Variants in DOCK2 observed in about 807,000 individuals in gnomAD.
DOCK2 encodes the protein dedicator of cytokinesis protein 2.
In DOCK2, 87 loss-of-function variants were observed where a neutral mutation model predicts 248.9. The observed-to-expected ratio is 0.35, with a 90% confidence interval of 0.29 to 0.42. The LOEUF (loss-of-function observed/expected upper bound fraction) is 0.42. Among genes scored for constraint, DOCK2 ranks in the 10% least tolerant of loss-of-function variants. The probability of loss-of-function intolerance (pLI) is 1.00; values close to 1 mark genes in which losing one functional copy is unlikely to be tolerated. For missense variants in DOCK2, 1,747 were observed against 2,300.2 expected (o/e 0.76, Z 4.92); for synonymous variants, 805 against 821.6 (o/e 0.98, Z 0.35).
chr5:169,812,824 T>C (rs1377556888), intron 26 of DOCK2, among the ~76,000 whole-genome samples: 1 of 152,228 alleles, frequency 6.6e-6, no homozygotes, highest in Non-Finnish European at 1.5e-5. Context: ...AGTGGCTTCC[T>C]GGGAGAATGC....
At chr5:170,039,895 C>T (rs1372240820) in intron 36 of DOCK2, among the ~76,000 whole-genome samples, 1 of 152,196 alleles carries the variant, frequency 6.6e-6, no homozygotes, top group African/African-American at 2.4e-5. Flanking sequence ...CACCACATTA[C>T]TTAGAGTTGG....
At chr5:169,956,095 C>G (rs1581469041) in intron 27 of DOCK2, among the ~76,000 whole-genome samples, 1 of 151,502 alleles carries the variant, frequency 6.6e-6, no homozygotes, top group Non-Finnish European at 1.5e-5. Context: ...ATCTTCCTGG[C>G]TTTGCCACAA....
chr5:169,863,282 G>GATTAAT (rs1771319754), intron 27 of DOCK2, among the ~76,000 whole-genome samples: 1 of 152,022 alleles, frequency 6.6e-6, no homozygotes, highest in African/African-American at 2.4e-5. Flanking sequence ...AGACTGTGTC[G>GATTAAT]ATTAATATAT....
At chr5:169,842,454 T>A (rs1334702239) in intron 27 of DOCK2, among the ~76,000 whole-genome samples, 1 of 152,040 alleles carries the variant, frequency 6.6e-6, no homozygotes, top group East Asian at 1.9e-4. Flanking sequence ...ACCTCCTGGG[T>A]TCAAGTGATT....
intron 26 of DOCK2, among the ~76,000 whole-genome samples, chr5:169,818,435 AT>A (rs1423866702): frequency 2.0e-5 from 3 of 152,208 alleles, no homozygotes; most frequent in African/African-American, 7.2e-5. Context: ...ACACATAGGC[AT>A]GGATTTGAAT....
At chr5:170,053,374 G>A (rs888201030) in intron 41 of DOCK2, among the ~76,000 whole-genome samples, 11 of 152,238 alleles carry the variant, frequency 7.2e-5, no homozygotes, top group African/African-American at 2.7e-4. Flanking sequence ...TGTTGTAGTG[G>A]GAGAGCAGCC....
chr5:169,870,094 C>A (rs1490908368), intron 27 of DOCK2, among the ~76,000 whole-genome samples: 1 of 152,158 alleles, frequency 6.6e-6, no homozygotes, highest in Admixed American at 6.6e-5. Context: ...GGACATGGGA[C>A]CTGTGGTTTA....
chr5:169,982,602 C>A (rs945500234), intron 27 of DOCK2, among the ~76,000 whole-genome samples: 1 of 152,176 alleles, frequency 6.6e-6, no homozygotes. Context: ...AAGTGGCAGG[C>A]CCCAGGAGGT....
At chr5:169,660,469 G>T (rs2113221604) in intron 2 of DOCK2, among the ~76,000 whole-genome samples, 1 of 144,710 alleles carries the variant, frequency 6.9e-6, no homozygotes, top group African/African-American at 2.4e-5. Context: ...CATACTCTAT[G>T]TACTATTCTG....
chr5:169,825,849 CA>C (rs144445615), intron 26 of DOCK2, among the ~76,000 whole-genome samples: 1 of 142,586 alleles, frequency 7.0e-6, no homozygotes, highest in Non-Finnish European at 1.5e-5. Flanking sequence ...AAAAACAAAA[CA>C]AAAAAATCTC....
At chr5:169,718,605 C>T in intron 21 of DOCK2, 52 bp from the exon 22 acceptor site, 7 of 1,586,164 alleles carry the variant, frequency 4.4e-6, no homozygotes, top group Non-Finnish European at 6.0e-6. Context: ...ACTGAGCAAA[C>T]TAATTACCAT....
At chr5:170,006,165 A>T (rs552482375) in intron 30 of DOCK2, among the ~76,000 whole-genome samples, 1 of 152,338 alleles carries the variant, frequency 6.6e-6, no homozygotes, top group African/African-American at 2.4e-5. Context: ...TGCCGGGAGG[A>T]AAGGCAGTCT....
chr5:169,963,113 C>T (rs1777157997), intron 27 of DOCK2, among the ~76,000 whole-genome samples: 1 of 152,220 alleles, frequency 6.6e-6, no homozygotes, highest in Admixed American at 6.5e-5. Flanking sequence ...CAGGAAACTA[C>T]ACCTTCTACC....
At position 169,711,880 on chromosome 5, in the gene DOCK2, A is replaced by G; in HGVS notation, c.1483-55A>G. 1.9e-6 allele frequency: 3 copies of G among 1,594,008 alleles called. No individual in the cohort carries two copies. In the South Asian group the frequency reaches 3.3e-5, roughly 18 times the overall value. ...GCTGTGGAAGTGTGTAGGGGGGTGCAGTGGGGAGGGCCCTTTAACTCATTG... is the reference window on the plus strand; with the variant it reads ...GCTGTGGAAGTGTGTAGGGGGGTGCGGTGGGGAGGGCCCTTTAACTCATTG... On this transcript the variant is annotated intron_variant, in intron 15 of 51. Transcript: ENST00000520908.
chr5:169,714,515 G>A lies in DOCK2; in HGVS notation c.1941+58G>A, dbSNP rs1470851183. ...CACTAGTGACAGAACTCTCCATGTGGGTGGCTTCAGGGGAAAAACAAGGTA... is the reference window on the plus strand; with the variant it reads ...CACTAGTGACAGAACTCTCCATGTGAGTGGCTTCAGGGGAAAAACAAGGTA... On this transcript the variant is annotated intron_variant, in intron 19 of 51. Transcript: ENST00000520908. The A allele has an allele frequency of 2.5e-6, 4 of 1,585,424 alleles. No individual in the cohort carries two copies. In the African/African-American group the frequency reaches 4.0e-5, roughly 16 times the overall value.
intron 14 of DOCK2, among the ~76,000 whole-genome samples, chr5:169,703,102 G>T (rs1488304331): frequency 6.6e-6 from 1 of 152,150 alleles, no homozygotes. Flanking sequence ...GGAGGGTTTT[G>T]TTTCTCAGTT....
chr5:169,825,752 T>C (rs1211094334), intron 26 of DOCK2, among the ~76,000 whole-genome samples: 2 of 150,554 alleles, frequency 1.3e-5, no homozygotes, highest in Non-Finnish European at 1.5e-5. Context: ...ACATGTACCC[T>C]AGAACTTAAA....
chr5:169,680,308 G>A (rs772775705), intron 6 of DOCK2, among the ~76,000 whole-genome samples: 7 of 152,152 alleles, frequency 4.6e-5, no homozygotes, highest in Non-Finnish European at 8.8e-5. Context: ...AACACTTATT[G>A]TATGTGAGCT....
chr5:170,064,655 C>A (rs1757433468), intron 44 of DOCK2, among the ~76,000 whole-genome samples: 1 of 150,272 alleles, frequency 6.7e-6, no homozygotes. Context: ...ATTGAGGTAC[C>A]AAAATAAGAA....
Sources: allele counts gnomAD v4.1 joint callset (sites outside exome capture counted in the v4.1 genomes callset), GRCh38; gene constraint gnomAD v4.1.1; transcripts MANE v1.5; gene names NCBI Gene and HGNC (gene_info 2026-07-23, HGNC 2026-07-21).